Variants in DCBLD1 observed in about 807,000 individuals in gnomAD.
DCBLD1 encodes discoidin, CUB and LCCL domain containing 1, also known as discoidin, CUB and LCCL domain-containing protein 1.
DCBLD1 carries 57 observed loss-of-function variants against 71.5 expected under a neutral mutation model. That is an observed-to-expected ratio of 0.80 (90% CI 0.64 to 0.99). The LOEUF is 0.99. Ranked by LOEUF, DCBLD1 falls within the 50% of genes least tolerant of loss-of-function variation. The pLI, the probability that DCBLD1 is intolerant of heterozygous loss-of-function variation, is 0.00. For missense variants in DCBLD1, 891 were observed against 923.5 expected (o/e 0.96, Z 0.46); for synonymous variants, 380 against 363.8 (o/e 1.04, Z -0.51).
intron 9 of DCBLD1, 150 bp downstream of exon 9, chr6:117,539,529 G>C: frequency 2.3e-6 from 2 of 875,278 alleles, no homozygotes; most frequent in Non-Finnish European, 3.2e-6. Flanking sequence ...GCTTTGGGAA[G>C]CCAAGGCAGG....
chr6:117,515,386 A>G (rs1190189138), intron 2 of DCBLD1, among the ~76,000 whole-genome samples: 1 of 152,210 alleles, frequency 6.6e-6, no homozygotes. Context: ...TACTATCATC[A>G]TCACCATTTG....
intron 6 of DCBLD1, among the ~76,000 whole-genome samples, chr6:117,535,266 C>T (rs1296031020): frequency 2.6e-5 from 4 of 152,182 alleles, no homozygotes; most frequent in Non-Finnish European, 5.9e-5. Flanking sequence ...AGAATGGTAT[C>T]AGGAAGAGAG....
chr6:117,545,068 C>T (rs987402479), intron 13 of DCBLD1, among the ~76,000 whole-genome samples: 2 of 151,158 alleles, frequency 1.3e-5, no homozygotes, highest in Admixed American at 6.6e-5. Flanking sequence ...AGCCATGGTC[C>T]AGAGAGAGAG....
rs1778110503 is a variant in DCBLD1, at chr6:117,514,074, C to T, written c.326-5742C>T. ...CCGTGGTTTCCCATTAATTATTTTTCCCTCTCAATGCTATCATATTTTTCC... is the reference window on the plus strand; with the variant it reads ...CCGTGGTTTCCCATTAATTATTTTTTCCTCTCAATGCTATCATATTTTTCC... On this transcript the variant is annotated intron_variant, in intron 2 of 14. Transcript: ENST00000338728. Among the ~76,000 whole-genome samples, 4 of 152,272 alleles carry T rather than the reference C, an allele frequency of 2.6e-5. No individual in the cohort carries two copies. The South Asian group carries it at 8.3e-4, about 32-fold the overall frequency.
intron 2 of DCBLD1, among the ~76,000 whole-genome samples, chr6:117,512,239 G>C (rs909647660): frequency 6.6e-6 from 1 of 152,168 alleles, no homozygotes; most frequent in Non-Finnish European, 1.5e-5. Flanking sequence ...CCTGGGTCCT[G>C]TAGCCCCAAG....
At chr6:117,498,178 T>C (rs1363183259) in intron 1 of DCBLD1, among the ~76,000 whole-genome samples, 1 of 152,234 alleles carries the variant, frequency 6.6e-6, no homozygotes, top group East Asian at 1.9e-4. Context: ...TACTTGCACC[T>C]TTTTCCAGAA....
downstream of DCBLD1, among the ~76,000 whole-genome samples, chr6:117,554,244 A>G (rs1388298923): frequency 1.3e-5 from 2 of 152,198 alleles, no homozygotes; most frequent in Non-Finnish European, 2.9e-5. Flanking sequence ...TGTACATTTA[A>G]TTCTATTGGC....
At chr6:117,533,308 C>CT (rs1177954452) in intron 6 of DCBLD1, among the ~76,000 whole-genome samples, 1 of 152,154 alleles carries the variant, frequency 6.6e-6, no homozygotes, top group Non-Finnish European at 1.5e-5. Context: ...TTCTATCACT[C>CT]ATTAATCTGT....
intron 2 of DCBLD1, among the ~76,000 whole-genome samples, chr6:117,511,712 C>T (rs967460726): frequency 6.6e-6 from 1 of 151,878 alleles, no homozygotes; most frequent in Non-Finnish European, 1.5e-5. Context: ...TTTTTAAATC[C>T]CAAAGAGGGG....
rs72963484 is a variant in DCBLD1, at chr6:117,521,506, T to A, written c.461-19T>A. 220,997 of 1,557,564 alleles carry A rather than the reference T, an allele frequency of 0.14. 16,783 individuals carry two copies. Among genetic ancestry groups the A allele is most frequent in the Non-Finnish European group, 0.16 (181,080 of 1,151,812 alleles). ...TTTTTATTCATTCTATTAATTGCAA[T>A]TATCTTTATTTATGACAGATTTAAT... On this transcript the variant is annotated intron_variant, in intron 3 of 14. Coordinates refer to ENST00000338728, the MANE Select transcript of DCBLD1 (RefSeq NM_001366458.2).
intron 1 of DCBLD1, among the ~76,000 whole-genome samples, chr6:117,500,303 G>A (rs1284858722): frequency 6.6e-6 from 1 of 152,206 alleles, no homozygotes; most frequent in Non-Finnish European, 1.5e-5. Flanking sequence ...AACTTCTGAT[G>A]ACAGTTCGCT....
intron 1 of DCBLD1, among the ~76,000 whole-genome samples, chr6:117,484,739 T>G (rs914495105): frequency 3.3e-5 from 5 of 152,234 alleles, no homozygotes; most frequent in African/African-American, 1.2e-4. Flanking sequence ...TATTAGACTT[T>G]TATTTATTGT....
At chr6:117,525,540 T>TAG in intron 5 of DCBLD1, 106 bp downstream of exon 5, 1 of 757,478 alleles carries the variant, frequency 1.3e-6, no homozygotes, top group Non-Finnish European at 1.9e-6. Context: ...AAACTCTAGA[T>TAG]AGATGCATGA....
chr6:117,551,981 C>T (rs1562130155), downstream of DCBLD1, among the ~76,000 whole-genome samples: 1 of 152,064 alleles, frequency 6.6e-6, no homozygotes, highest in African/African-American at 2.4e-5. Flanking sequence ...ATTAAATTAG[C>T]CAGTTGTAGT....
At chr6:117,498,822 T>C (rs1034390816) in intron 1 of DCBLD1, among the ~76,000 whole-genome samples, 8 of 152,156 alleles carry the variant, frequency 5.3e-5, no homozygotes, top group African/African-American at 1.4e-4. Context: ...CTCAAAAAAA[T>C]GGCATTTTCT....
chr6:117,563,139 T>A, intron 14 of DCBLD1: 1 of 936,788 alleles, frequency 1.1e-6, no homozygotes, highest in Non-Finnish European at 1.6e-6. Context: ...GGTACCCGCC[T>A]TTCATTTAGG....
downstream of DCBLD1, among the ~76,000 whole-genome samples, chr6:117,554,691 G>A (rs9489220): frequency 0.12 from 18,342 of 152,016 alleles, 1,198 homozygotes; most frequent in African/African-American, 0.16. Flanking sequence ...TCAAGAGATC[G>A]AGACTGTCCT....
chr6:117,565,807 C>T (rs779660741), intron 14 of DCBLD1, among the ~76,000 whole-genome samples: 15 of 152,032 alleles, frequency 9.9e-5, no homozygotes, highest in African/African-American at 2.4e-4. Flanking sequence ...CCAAATAGTC[C>T]GAAAATCCAT....
chr6:117,504,837 T>G (rs1340144936), intron 2 of DCBLD1, among the ~76,000 whole-genome samples: 3 of 152,250 alleles, frequency 2.0e-5, no homozygotes, highest in Admixed American at 6.5e-5. Context: ...AGAGATTTTC[T>G]GAAATTCTCT....
Sources: gnomAD v4.1 joint callset for allele counts (sites outside exome capture counted in the v4.1 genomes callset) on GRCh38, gnomAD v4.1.1 for gene constraint, MANE v1.5 for transcripts, NCBI Gene and HGNC (gene_info 2026-07-23, HGNC 2026-07-21) for gene names.